Variants in DIDO1 observed in about 807,000 individuals in gnomAD.
DIDO1 encodes death inducer-obliterator 1, also known as death-inducer obliterator 1.
Under a neutral mutation model 99.4 loss-of-function variants are expected in DIDO1, and 16 were observed. That is an observed-to-expected ratio of 0.16 (90% CI 0.11 to 0.24). The LOEUF (loss-of-function observed/expected upper bound fraction) is 0.24. Among genes scored for constraint, DIDO1 ranks in the 10% least tolerant of loss-of-function variants. The pLI is 1.00. For missense variants in DIDO1, 2,996 were observed against 3,014.0 expected, an observed-to-expected ratio of 0.99 and a Z score of 0.14; for synonymous variants, 1,366 against 1,239.1, an observed-to-expected ratio of 1.10 and a Z score of -2.15.
chr20:62,908,792 G>A (rs572963675), intron 4 of DIDO1, among the ~76,000 whole-genome samples: 5 of 152,308 alleles, frequency 3.3e-5, no homozygotes, highest in South Asian at 4.1e-4. Flanking sequence ...CCAGGAGATC[G>A]AGGCTGCAGT....
intron 6 of DIDO1, among the ~76,000 whole-genome samples, chr20:62,901,338 T>G (rs2064675502): frequency 6.6e-6 from 1 of 152,184 alleles, no homozygotes; most frequent in Admixed American, 6.5e-5. Flanking sequence ...TAATTCTCCC[T>G]AAGAAACTCG....
At chr20:62,937,150 G>A (rs920227266) in intron 1 of DIDO1, among the ~76,000 whole-genome samples, 1 of 152,238 alleles carries the variant, frequency 6.6e-6, no homozygotes, top group Non-Finnish European at 1.5e-5. Flanking sequence ...CCTGACTTCA[G>A]AAAGAAGCCG....
chr20:62,915,889 C>T (rs772384782), intron 1 of DIDO1, among the ~76,000 whole-genome samples: 5 of 152,130 alleles, frequency 3.3e-5, no homozygotes, highest in East Asian at 1.9e-4. Context: ...CGAATAAACA[C>T]GCTACTAGAT....
intron 15 of DIDO1, among the ~76,000 whole-genome samples, chr20:62,886,880 G>A (rs1172898807): frequency 1.3e-5 from 2 of 152,218 alleles, no homozygotes; most frequent in African/African-American, 4.8e-5. Context: ...GTGGGAAGAA[G>A]TGACTTCCCC....
Position 62,900,106 on chromosome 20 carries a change from G to A in DIDO1, c.1589-3110C>T, listed in dbSNP as rs114927730. On this transcript the variant is annotated intron_variant, in intron 6 of 15. Coordinates refer to ENST00000395343, the MANE Select transcript of DIDO1 (RefSeq NM_001193369.2). The stretch of plus-strand genomic sequence containing the variant: ...GTCAGGGTACGAGCCTCCCCTACAC[G>A]CTGCTGGGCCCCCTGGGGGCAGCAG... Among the ~76,000 whole-genome samples, 578 of 152,074 alleles carry A rather than the reference G, an allele frequency of 3.8e-3. 4 individuals are homozygous for A. Among genetic ancestry groups the A allele is most frequent in the African/African-American group, 0.014 (564 of 41,540 alleles).
At chr20:62,919,726 T>TG (rs2065101284) in intron 1 of DIDO1, among the ~76,000 whole-genome samples, 1 of 152,260 alleles carries the variant, frequency 6.6e-6, no homozygotes, top group South Asian at 2.1e-4. Context: ...ACTAATGCTT[T>TG]GGCCAGCCCC....
intron 5 of DIDO1, 119 bp from the exon 6 acceptor site, chr20:62,906,219 C>A: frequency 2.3e-6 from 3 of 1,316,234 alleles, no homozygotes; most frequent in South Asian, 1.5e-5. Context: ...GAAGACCCTG[C>A]ACCCATCCTG....
At chr20:62,889,549 G>A (rs920768280) in intron 15 of DIDO1, 5 of 985,490 alleles carry the variant, frequency 5.1e-6, no homozygotes, top group Non-Finnish European at 6.0e-6. Context: ...TGCAGTGTCT[G>A]CACTGAGTGC....
At chr20:62,889,523 GGAGGTGCT>G (rs1269891554) in intron 15 of DIDO1, 1 of 985,342 alleles carries the variant, frequency 1.0e-6, no homozygotes, top group East Asian at 1.1e-4. Context: ...ACCCCGGTAG[GGAGGTGCT>G]GAGGTGCTGC....
chr20:62,894,961 G>C lies in DIDO1; in HGVS notation c.2332-47C>G. ...AGAGCTTAGGCCTTGTTTTCTAGGA[G>C]GAAAGCATCGCTTATGCAGCCGTCT... On this transcript the variant is annotated intron_variant, in intron 9 of 15. Coordinates refer to ENST00000395343, the MANE Select transcript of DIDO1 (RefSeq NM_001193369.2). This position sits in a 1 kb window ranked among gnomAD's most constrained non-coding sequence, Gnocchi z 4.4. 1.9e-6 allele frequency: 3 copies of C among 1,602,012 alleles called. No homozygotes were observed. The highest frequency in any genetic ancestry group is 2.6e-6 in the Non-Finnish European group (3 of 1,170,870).
chr20:62,902,200 T>A (rs2064698757), intron 6 of DIDO1, among the ~76,000 whole-genome samples: 1 of 152,204 alleles, frequency 6.6e-6, no homozygotes, highest in African/African-American at 2.4e-5. Context: ...TACGGAGGTG[T>A]GAAACCTTTC....
intron 15 of DIDO1, chr20:62,887,597 G>A (rs2147372042): frequency 2.0e-6 from 2 of 985,502 alleles, no homozygotes; most frequent in Non-Finnish European, 2.4e-6. Flanking sequence ...TCAGACCAAG[G>A]CTCCGAGGCC....
In DIDO1 at chr20:62,896,419, C is replaced by A; in HGVS notation, c.2055-27G>T. 2 of 1,603,804 alleles carry A rather than the reference C, an allele frequency of 1.2e-6. No homozygotes were observed. Among genetic ancestry groups the A allele is most frequent in the Middle Eastern group, 3.3e-4 (2 of 6,022 alleles). ...TGAACAGAATAAAAAAAAGGAACTA[C>A]ATAAGACACTTGTGTATATTAAACT... is the stretch of plus-strand genomic sequence containing the variant. On this transcript the variant is annotated intron_variant, in intron 7 of 15. Transcript: ENST00000395343. The surrounding 1 kb of genome is among the most constrained non-coding windows in gnomAD (Gnocchi z 4.4).
chr20:62,926,591 G>C (rs1036555391), upstream of DIDO1: 1 of 152,122 alleles, frequency 6.6e-6, no homozygotes, highest in Non-Finnish European at 1.5e-5. Context: ...GCGGAGCCCG[G>C]GCTGCGAAGC....
intron 5 of DIDO1, among the ~76,000 whole-genome samples, chr20:62,906,642 A>C (rs2147477594): frequency 6.6e-6 from 1 of 152,316 alleles, no homozygotes; most frequent in East Asian, 1.9e-4. Context: ...TGACACAGCC[A>C]CCGCCGCCTG....
chr20:62,908,631 T>C (rs2064858563), intron 4 of DIDO1, among the ~76,000 whole-genome samples: 2 of 152,216 alleles, frequency 1.3e-5, no homozygotes, highest in African/African-American at 4.8e-5. Flanking sequence ...TCAGTTTTCC[T>C]CCACAGAATC....
intron 1 of DIDO1, among the ~76,000 whole-genome samples, chr20:62,922,391 C>G (rs765456252): frequency 6.6e-6 from 1 of 152,064 alleles, no homozygotes; most frequent in Non-Finnish European, 1.5e-5. Flanking sequence ...TGCCCACCCC[C>G]ACCCAGACAT....
At chr20:62,901,726 T>G (rs922853886) in intron 6 of DIDO1, among the ~76,000 whole-genome samples, 2 of 150,688 alleles carry the variant, frequency 1.3e-5, no homozygotes, top group African/African-American at 4.9e-5. Flanking sequence ...TTCATTTAAA[T>G]AAGTAGCAAA....
chr20:62,888,423 G>A (rs1400499665), intron 15 of DIDO1: 8 of 985,402 alleles, frequency 8.1e-6, no homozygotes, highest in Non-Finnish European at 9.6e-6. Flanking sequence ...TGCTGCATGT[G>A]CCGCAGAGAA....
Sources: allele counts gnomAD v4.1 joint callset (sites outside exome capture counted in the v4.1 genomes callset), GRCh38; gene constraint gnomAD v4.1.1; non-coding constraint Gnocchi (gnomAD v3.1); transcripts MANE v1.5; gene names NCBI Gene and HGNC (gene_info 2026-07-23, HGNC 2026-07-21).